The following MIGA1 variants were observed in gnomAD, a reference collection of about 807,000 sequenced individuals.
MIGA1 encodes the protein mitoguardin 1.
MIGA1 carries 58 observed loss-of-function variants against 82.0 expected under a neutral mutation model. The ratio of observed to expected loss-of-function variants is 0.71; its 90% CI spans 0.57 to 0.88. MIGA1 has a LOEUF of 0.88. Among genes scored for constraint, MIGA1 ranks in the 40% least tolerant of loss-of-function variants. MIGA1 has a pLI of 0.00. For synonymous variants in MIGA1, 249 were observed against 253.6 expected (o/e 0.98, Z 0.17); for missense variants, 751 against 749.1 (o/e 1.00, Z -0.03).
At chr1:77,862,946 C>CAA (rs533818182) in intron 12 of MIGA1, among the ~76,000 whole-genome samples, 10 of 87,584 alleles carry the variant, frequency 1.1e-4, no homozygotes, top group East Asian at 3.1e-4. Context: ...GTCTCAGAAG[C>CAA]AAAAAAAAAA....
intron 5 of MIGA1, among the ~76,000 whole-genome samples, chr1:77,809,446 T>A (rs370894157): frequency 5.3e-5 from 8 of 152,084 alleles, no homozygotes; most frequent in African/African-American, 1.7e-4. Flanking sequence ...AAAATAATTC[T>A]TCCTGAAGCC....
At chr1:77,806,291 A>C (rs1018283228) in intron 4 of MIGA1, among the ~76,000 whole-genome samples, 9 of 152,326 alleles carry the variant, frequency 5.9e-5, no homozygotes, top group Non-Finnish European at 1.3e-4. Flanking sequence ...GTAAAAATAC[A>C]ATTTTGTAAT....
At chr1:77,791,988 A>C (rs1682446748) in intron 2 of MIGA1, among the ~76,000 whole-genome samples, 2 of 152,224 alleles carry the variant, frequency 1.3e-5, no homozygotes, top group African/African-American at 4.8e-5. Flanking sequence ...TTGTCACTTC[A>C]AAATAATTAT....
chr1:77,826,466 CTAT>C (rs1297516816), intron 7 of MIGA1, among the ~76,000 whole-genome samples: 3 of 151,886 alleles, frequency 2.0e-5, no homozygotes, highest in African/African-American at 7.3e-5. Context: ...CTGGCATATC[CTAT>C]TATTATTAAT....
At chr1:77,802,302 A>G (rs1247204021) in intron 3 of MIGA1, among the ~76,000 whole-genome samples, 5 of 152,210 alleles carry the variant, frequency 3.3e-5, no homozygotes, top group African/African-American at 4.8e-5. Context: ...GGTAAGTGCC[A>G]TATATTCAGT....
chr1:77,847,041 CACTT>C (rs761026402), intron 8 of MIGA1: 9 of 715,664 alleles, frequency 1.3e-5, no homozygotes, highest in South Asian at 1.2e-4. Flanking sequence ...GATTTGACGA[CACTT>C]ATTTATAGCA....
Position 77,845,226 on chromosome 1 carries a change from T to C in MIGA1, c.996+1819T>C, listed in dbSNP as rs532381895. On this transcript the variant is annotated intron_variant, in intron 8 of 15. Transcript: ENST00000370791. Reference sequence around the variant, plus strand: ...TAAAAAAATTTTTCCACTTATAAGTTTGCAGTAGACAGAATATATTTTCTT... The same window carrying C: ...TAAAAAAATTTTTCCACTTATAAGTCTGCAGTAGACAGAATATATTTTCTT... 7.2e-5 allele frequency among the ~76,000 whole-genome samples: 11 copies of C among 152,330 alleles called. No individual in the cohort carries two copies. The South Asian group carries it at 2.3e-3, about 32-fold the overall frequency.
At chr1:77,853,796 T>G (rs1362815840) in intron 8 of MIGA1, 1 of 267,582 alleles carries the variant, frequency 3.7e-6, no homozygotes, top group Non-Finnish European at 7.4e-6. Flanking sequence ...TGCTGTTGGA[T>G]CAGGCTCTAA....
At chr1:77,860,733 AAATAAAT>A (rs1557933644) in intron 11 of MIGA1, 1 of 153,398 alleles carries the variant, frequency 6.5e-6, no homozygotes. Flanking sequence ...TAGGATGATT[AAATAAAT>A]GATAAATGGG....
intron 4 of MIGA1, among the ~76,000 whole-genome samples, chr1:77,806,137 C>G (rs754660540): frequency 4.6e-5 from 7 of 152,158 alleles, no homozygotes; most frequent in Non-Finnish European, 1.0e-4. Context: ...ATTTCAGAAG[C>G]AGCATAATCT....
At chr1:77,833,596 C>T (rs948359224) in intron 7 of MIGA1, among the ~76,000 whole-genome samples, 1 of 152,180 alleles carries the variant, frequency 6.6e-6, no homozygotes, top group African/African-American at 2.4e-5. Context: ...TCCATGTAAG[C>T]CCCTTGGGAG....
At chr1:77,864,784 C>T (rs1391129908) in intron 13 of MIGA1, among the ~76,000 whole-genome samples, 3 of 152,190 alleles carry the variant, frequency 2.0e-5, no homozygotes, top group Non-Finnish European at 2.9e-5. Flanking sequence ...CAGGCATATA[C>T]GGCATAACAT....
chr1:77,783,343 C>G lies in MIGA1; in HGVS notation c.187C>G (p.Leu63Val), dbSNP rs1220473400. ...TCTTCCTCTGACTTGGTACTATTCT[C>G]TCTCCCAGGTAAATAAAAGAAGCAA... The change falls in exon 2 of 16, where the codon CTC becomes GTC. Residue 63 changes from leucine to valine, a missense_variant. Transcript: ENST00000370791. 6.4e-7 allele frequency: 1 copy of G among 1,565,530 alleles called. No individual in the cohort carries two copies. The highest frequency in any genetic ancestry group is 1.2e-5 in the South Asian group (1 of 84,784).
intron 14 of MIGA1, among the ~76,000 whole-genome samples, chr1:77,869,096 G>T (rs981748443): frequency 6.6e-6 from 1 of 151,336 alleles, no homozygotes; most frequent in African/African-American, 2.4e-5. Flanking sequence ...GCAGCCTTCC[G>T]CAGTGTTTGT....
chr1:77,866,561 A>G (rs1390913080), intron 14 of MIGA1, among the ~76,000 whole-genome samples, 170 bp downstream of exon 14: 2 of 152,020 alleles, frequency 1.3e-5, no homozygotes, highest in Non-Finnish European at 2.9e-5. Context: ...TCTTTTTTGA[A>G]GGCCTTCTTT....
chr1:77,780,879 G>A (rs1174294535), intron 1 of MIGA1, among the ~76,000 whole-genome samples: 2 of 151,242 alleles, frequency 1.3e-5, no homozygotes, highest in Non-Finnish European at 2.9e-5. Context: ...TGCAAAAATA[G>A]AGGTTTGTCA....
chr1:77,848,115 G>A lies in MIGA1; in HGVS notation c.996+4708G>A, dbSNP rs543842497. On this transcript the variant is annotated intron_variant, in intron 8 of 15. Transcript: ENST00000370791. Reference sequence around the variant, plus strand: ...GCACCAACAGAAGCAATCCAGAGACGAGGAGAACCATTACACTGACCGTGA... The same window carrying A: ...GCACCAACAGAAGCAATCCAGAGACAAGGAGAACCATTACACTGACCGTGA... 161 of 1,322,730 alleles carry A rather than the reference G, an allele frequency of 1.2e-4. No homozygotes were observed. The African/African-American group carries it at 1.9e-3, about 15-fold the overall frequency. 81.9% of individuals were successfully genotyped at this position (1,322,730 alleles called of 1,614,324 possible).
At chr1:77,816,936 A>G (rs938003953) in intron 7 of MIGA1, among the ~76,000 whole-genome samples, 43 of 152,318 alleles carry the variant, frequency 2.8e-4, no homozygotes, top group African/African-American at 1.0e-3. Flanking sequence ...TAAGTAGGAA[A>G]AAATTATAAG....
chr1:77,865,440 A>G (rs1685627854), intron 13 of MIGA1, among the ~76,000 whole-genome samples: 2 of 152,128 alleles, frequency 1.3e-5, no homozygotes, highest in Non-Finnish European at 2.9e-5. Flanking sequence ...AAAAAATACA[A>G]AAATTTGCCA....
Sources: gnomAD v4.1 joint callset for allele counts (sites outside exome capture counted in the v4.1 genomes callset) on GRCh38, gnomAD v4.1.1 for gene constraint, MANE v1.5 for transcripts, NCBI Gene and HGNC (gene_info 2026-07-23, HGNC 2026-07-21) for gene names.